Variants in ZMAT1 observed in about 807,000 individuals in gnomAD.
ZMAT1 encodes the protein zinc finger matrin-type 1, also known as zinc finger matrin-type protein 1.
In ZMAT1, 11 loss-of-function variants were observed where a neutral mutation model predicts 18.5. The observed-to-expected ratio is 0.59, with a 90% confidence interval of 0.37 to 0.98. The LOEUF is 0.98. ZMAT1 is among the 50% of genes least tolerant of loss of function. The pLI is 0.01. For missense variants in ZMAT1, 525 were observed against 496.2 expected (o/e 1.06, Z -0.55); for synonymous variants, 211 against 176.4 (o/e 1.20, Z -1.55).
intron 1 of ZMAT1, among the ~76,000 whole-genome samples, chrX:101,929,423 T>TTTTATATATATATATA (rs1420404820): frequency 1.4e-5 from 1 of 71,309 alleles, no homozygotes; most frequent in East Asian, 4.8e-4. Flanking sequence ...TAGAGAGAGA[T>TTTTATATATATATATA]TATATATATA....
chrX:101,905,770 A>G (rs1208109265), intron 1 of ZMAT1, among the ~76,000 whole-genome samples: 1 of 110,804 alleles, frequency 9.0e-6, no homozygotes, highest in Non-Finnish European at 1.9e-5. Flanking sequence ...TTAAAAAACT[A>G]TTAGGACGGA....
intron 1 of ZMAT1, chrX:101,912,093 G>C (rs761942454): frequency 1.8e-4 from 189 of 1,053,529 alleles, no homozygotes; most frequent in Admixed American, 2.9e-4. Context: ...ACATGTGCTG[G>C]GGACATGGGA....
At chrX:101,919,587 C>G (rs1312383712) in intron 1 of ZMAT1, among the ~76,000 whole-genome samples, 2 of 111,613 alleles carry the variant, frequency 1.8e-5, no homozygotes, top group Non-Finnish European at 3.8e-5. Flanking sequence ...ACCGAAAGAA[C>G]TATGATCCCA....
intron 1 of ZMAT1, among the ~76,000 whole-genome samples, chrX:101,930,429 T>C (rs1930407063): frequency 8.9e-6 from 1 of 112,619 alleles, no homozygotes; most frequent in Admixed American, 9.4e-5. Flanking sequence ...CCATATTTAA[T>C]AAGTGGCATT....
At position 101,898,318 on chromosome X, in the gene ZMAT1, A is replaced by G; in HGVS notation, c.400-98T>C. 4.2e-6 allele frequency: 3 copies of G among 706,995 alleles called. 1 individual carries two copies. The highest frequency in any genetic ancestry group is 5.8e-5 in the South Asian group (2 of 34,420). 58.3% of individuals were successfully genotyped at this position (706,995 alleles called of 1,213,427 possible). ...GAGGATGGCATTCATGTGTGTTAAT[A>G]TATTTAGTCAAACTTGGTACAGACT... On this transcript the variant is annotated intron_variant, in intron 2 of 5. Transcript: ENST00000651725.
intron 5 of ZMAT1, among the ~76,000 whole-genome samples, chrX:101,885,235 A>G (rs1272352923): frequency 1.8e-5 from 2 of 112,112 alleles, no homozygotes; most frequent in Non-Finnish European, 3.8e-5. Context: ...ATGGGTGGGG[A>G]CTAATAATAT....
In ZMAT1 at chrX:101,883,507, C is replaced by A; in HGVS notation, c.*3G>T. On this transcript the variant is annotated 3_prime_UTR_variant, in exon 6 of 6. Transcript: ENST00000651725. ...TCAACCTTGGGTAAACAAAACTAAA[C>A]ATTCAAAATCCAAGAATAGACTCAT... 2 of 1,134,914 alleles carry A rather than the reference C, an allele frequency of 1.8e-6. No homozygotes were observed. Among genetic ancestry groups the A allele is most frequent in the East Asian group, 3.1e-5 (1 of 32,623 alleles). The allele number at this position is 1,134,914 out of a possible 1,213,427, so 93.5% of individuals were successfully genotyped here. A position where few individuals can be genotyped will look rare whatever the true frequency, so the allele number is the denominator to read the frequency against.
chrX:101,893,229 G>T (rs997767111), intron 4 of ZMAT1, among the ~76,000 whole-genome samples: 3 of 111,184 alleles, frequency 2.7e-5, no homozygotes, highest in Non-Finnish European at 5.7e-5. Context: ...CCCCAATTTA[G>T]AAGTGACAGG....
rs755259738 is a variant in ZMAT1 at position 101,931,877 on chromosome X, TGCC to T, written c.129_131del (p.Ala44del). 617 of 786,646 alleles carry T rather than the reference TGCC, an allele frequency of 7.8e-4. 1 individual carries two copies. The highest frequency in any genetic ancestry group is 4.5e-3 in the African/African-American group (195 of 43,003). 64.8% of individuals were successfully genotyped at this position (786,646 alleles called of 1,213,427 possible). ...TGGCGGAGGAGGCAGGAACAATTAC[TGCC>T]GCCGCCGCCGCCGCCGCCGCCGCTG... On this transcript the variant is annotated inframe_deletion, in exon 1 of 6. Coordinates refer to ENST00000651725, the MANE Select transcript of ZMAT1 (RefSeq NM_001394560.1).
chrX:101,883,625 CTTT>C lies in ZMAT1; in HGVS notation c.1970_1972del (p.Lys657del), dbSNP rs1159768927. The C allele has an allele frequency of 8.3e-7, 1 of 1,206,492 alleles. No homozygotes were observed. Among genetic ancestry groups the C allele is most frequent in the Non-Finnish European group, 1.1e-6 (1 of 894,166 alleles). On this transcript the variant is annotated inframe_deletion, in exon 6 of 6. Coordinates refer to ENST00000651725, the MANE Select transcript of ZMAT1 (RefSeq NM_001394560.1). ...TTCTTTCTCGGAGGGTACATCATGGCTTTTTTTCTTTTTTCGATGCTTAAGCTT... is the reference window on the plus strand; with the variant it reads ...TTCTTTCTCGGAGGGTACATCATGGCTTTTCTTTTTTCGATGCTTAAGCTT...
chrX:101,931,715 A>G lies in ZMAT1; in HGVS notation c.292+2T>C. ...CCCCCGCACCCCGGGACGGGAACTC[A>G]CCTTCTCTGAGGCAAGGGCGGGTGT... is the stretch of plus-strand genomic sequence containing the variant. On this transcript the variant is annotated splice_donor_variant, in intron 1 of 5. Coordinates refer to ENST00000651725, the MANE Select transcript of ZMAT1 (RefSeq NM_001394560.1). LOFTEE classifies it high-confidence loss of function. 1 of 759,945 alleles carries G rather than the reference A, an allele frequency of 1.3e-6. No homozygotes were observed. Among genetic ancestry groups the G allele is most frequent in the Non-Finnish European group, 1.6e-6 (1 of 643,035 alleles). The allele number at this position is 759,945 out of a possible 1,213,427, so 62.6% of individuals were successfully genotyped here.
intron 1 of ZMAT1, among the ~76,000 whole-genome samples, chrX:101,909,009 C>T (rs1047383280): frequency 9.2e-6 from 1 of 108,296 alleles, no homozygotes; most frequent in African/African-American, 3.4e-5. Flanking sequence ...AAAGAGACCT[C>T]TTCCTTCTGC....
chrX:101,884,626 C>A lies in ZMAT1; in HGVS notation c.972G>T (p.Met324Ile). ...TCTCAAATGGGAGTCTTTGTTCAAA[C>A]ATTCTATGTCTGGGTCTGGAATCGA... Reference protein sequence around the residue: ...EVVDSRPRHRMFEQRLPFETF... With the variant: ...EVVDSRPRHRIFEQRLPFETF... The change falls in exon 6 of 6, where the codon ATG becomes ATT. Residue 324 changes from methionine (M) to isoleucine (I), a missense_variant. Met to Ile is a conservative substitution (Grantham distance 10). Transcript: ENST00000651725. The A allele has an allele frequency of 1.7e-6, 2 of 1,211,116 alleles. No homozygotes were observed. The highest frequency in any genetic ancestry group is 2.2e-6 in the Non-Finnish European group (2 of 895,192).
rs144330375 is a variant in ZMAT1, at chrX:101,884,005, A to G, written c.1593T>C (p.Asp531=). 146 of 1,208,735 alleles carry G rather than the reference A, an allele frequency of 1.2e-4. No individual in the cohort carries two copies. The highest frequency in any genetic ancestry group is 1.5e-4 in the Non-Finnish European group (138 of 894,826). The part of the protein sequence containing the change: ...NQLPHCLPAH[D]SKQRLDSISY... ...TAATAGAATCTAGTCTCTGTTTGCT[A>G]TCATGAGCTGGTAAGCAATGAGGTA... Residue 531 remains aspartate (D), a synonymous_variant, in exon 6 of 6, where the codon GAT becomes GAC. Coordinates refer to ENST00000651725, the MANE Select transcript of ZMAT1 (RefSeq NM_001394560.1).
intron 4 of ZMAT1, 99 bp from the exon 5 acceptor site, chrX:101,886,830 C>A (rs1926991562): frequency 1.7e-6 from 1 of 583,514 alleles, no homozygotes; most frequent in Non-Finnish European, 2.7e-6. Flanking sequence ...AGACCATCTA[C>A]TTGACATTTT....
At chrX:101,902,917 T>C (rs933642945) in intron 2 of ZMAT1, among the ~76,000 whole-genome samples, 1 of 111,666 alleles carries the variant, frequency 9.0e-6, no homozygotes, top group African/African-American at 3.2e-5. Flanking sequence ...AATGCATGTG[T>C]ATATGTGTGT....
intron 1 of ZMAT1, among the ~76,000 whole-genome samples, chrX:101,919,885 A>G (rs192789147): frequency 3.7e-4 from 41 of 110,561 alleles, no homozygotes; most frequent in Non-Finnish European, 7.4e-4. Context: ...TAAAGTGGGT[A>G]TATCAGGGGT....
intron 1 of ZMAT1, among the ~76,000 whole-genome samples, chrX:101,930,383 G>A (rs1251438509): frequency 1.8e-5 from 2 of 112,462 alleles, no homozygotes; most frequent in African/African-American, 6.5e-5. Context: ...TAGTAAGAGA[G>A]TTGATAAATA....
chrX:101,926,532 G>C (rs796910412), intron 1 of ZMAT1, among the ~76,000 whole-genome samples: 1 of 112,105 alleles, frequency 8.9e-6, no homozygotes, highest in Non-Finnish European at 1.9e-5. Context: ...TTTATGGCTT[G>C]AGTGAGAATA....
Sources: allele counts gnomAD v4.1 joint callset (sites outside exome capture counted in the v4.1 genomes callset), GRCh38; gene constraint gnomAD v4.1.1; transcripts MANE v1.5; gene names NCBI Gene and HGNC (gene_info 2026-07-23, HGNC 2026-07-21).